SMPX: variants seen among roughly 807,000 people sequenced by gnomAD.
SMPX encodes the protein small muscular protein.
Under a neutral mutation model 6.3 loss-of-function variants are expected in SMPX, and 2 were observed. The ratio of observed to expected loss-of-function variants is 0.32; its 90% CI spans 0.13 to 0.99. The LOEUF is 0.99. Ranked by LOEUF, SMPX falls within the 50% of genes least tolerant of loss-of-function variation. The probability of loss-of-function intolerance (pLI) is 0.49; values close to 1 mark genes in which losing one functional copy is unlikely to be tolerated. For missense variants in SMPX, 60 were observed against 66.8 expected, an observed-to-expected ratio of 0.90 and a Z score of 0.36; for synonymous variants, 32 against 24.7, an observed-to-expected ratio of 1.30 and a Z score of -0.88.
At chrX:21,718,961 A>G (rs1270323417) in intron 4 of SMPX, among the ~76,000 whole-genome samples, 2 of 112,545 alleles carry the variant, frequency 1.8e-5, no homozygotes, top group African/African-American at 3.2e-5. Context: ...GATCCTGAAA[A>G]GGAACTTGAT....
intron 4 of SMPX, among the ~76,000 whole-genome samples, chrX:21,718,889 T>C (rs1406861972): frequency 8.9e-6 from 1 of 112,088 alleles, no homozygotes; most frequent in Non-Finnish European, 1.9e-5. Flanking sequence ...TGAAAAAGGA[T>C]AGCGAATATA....
chrX:21,708,129 C>T (rs1014448472), intron 4 of SMPX, among the ~76,000 whole-genome samples: 2 of 112,408 alleles, frequency 1.8e-5, no homozygotes, highest in African/African-American at 6.5e-5. Context: ...TGAGCTGAAT[C>T]TTTTCTTAAA....
chrX:21,748,820 A>G, intron 2 of SMPX, among the ~76,000 whole-genome samples: 1 of 112,742 alleles, frequency 8.9e-6, no homozygotes, highest in Middle Eastern at 4.6e-3. Flanking sequence ...ATGTTGAAGG[A>G]AGGCATGTGT....
intron 4 of SMPX, among the ~76,000 whole-genome samples, chrX:21,728,177 C>A (rs1467281646): frequency 3.8e-5 from 4 of 104,187 alleles, no homozygotes; most frequent in African/African-American, 1.4e-4. Context: ...TTTCTGTCTC[C>A]TCTCCTCTCC....
In SMPX at chrX:21,736,041, A is replaced by T. The variant is rs1015505290; in HGVS notation, c.*14+1508T>A. On this transcript the variant is annotated intron_variant, in intron 4 of 4. Transcript: ENST00000379494. ...TATGGTCATAGATCCACTCTGTTTT[A>T]CTCTTACTCCTGTGTTCTTTTATGT... is the stretch of plus-strand genomic sequence containing the variant. Among the ~76,000 whole-genome samples, 4 of 111,400 alleles carry T rather than the reference A, an allele frequency of 3.6e-5. No individual in the cohort carries two copies. The East Asian group carries it at 8.5e-4, about 24-fold the overall frequency.
chrX:21,733,847 C>G, intron 4 of SMPX: 2 of 299,464 alleles, frequency 6.7e-6, no homozygotes, highest in South Asian at 6.4e-5. Flanking sequence ...TAGAGGATCT[C>G]TTTGGTCTCA....
At position 21,729,050 on chromosome X, in the gene SMPX, T is replaced by C. The variant is rs186152544; in HGVS notation, c.*14+8499A>G. On this transcript the variant is annotated intron_variant, in intron 4 of 4. Transcript: ENST00000379494. ...AATCTGCTTTCTGATACATTTGAGA[T>C]GAAAAAATAACCTATAAAAATAGTT... Among the ~76,000 whole-genome samples the C allele has an allele frequency of 2.1e-4, 24 of 112,194 alleles. No homozygotes were observed. The East Asian group carries it at 5.6e-3, about 26-fold the overall frequency.
rs953545662 is a variant in SMPX at position 21,758,065 on chromosome X, C to T, written c.-136G>A. On this transcript the variant is annotated 5_prime_UTR_variant, in exon 1 of 5. Transcript: ENST00000379494. Reference sequence around the variant, plus strand: ...CTGAGCTGCGATCTCAATTCCGATGCTTTTCATGTGGCTGAAATAGCTCTG... The same window carrying T: ...CTGAGCTGCGATCTCAATTCCGATGTTTTTCATGTGGCTGAAATAGCTCTG... 9.5e-5 allele frequency: 31 copies of T among 327,915 alleles called. No homozygotes were observed. The highest frequency in any genetic ancestry group is 1.4e-4 in the Non-Finnish European group (23 of 169,824). The allele number at this position is 327,915 out of a possible 1,213,427, so 27.0% of individuals were successfully genotyped here.
chrX:21,722,186 A>G (rs1455425823), intron 4 of SMPX, among the ~76,000 whole-genome samples: 1 of 111,747 alleles, frequency 8.9e-6, no homozygotes, highest in Non-Finnish European at 1.9e-5. Flanking sequence ...AAAGCTGCTT[A>G]TCAGTCTGCC....
At chrX:21,725,158 G>A (rs1274670454) in intron 4 of SMPX, among the ~76,000 whole-genome samples, 2 of 111,471 alleles carry the variant, frequency 1.8e-5, no homozygotes, top group African/African-American at 6.5e-5. Flanking sequence ...GTCAGATAGA[G>A]GGAGAAAACA....
At position 21,720,806 on chromosome X, in the gene SMPX, T is replaced by A. The variant is rs1274892144; in HGVS notation, c.*15-14412A>T. ...ACAGCTGGCTGACCTTGAACCAAAG[T>A]TTACAGTGCAACTGCTCAGCACCCA... On this transcript the variant is annotated intron_variant, in intron 4 of 4. Transcript: ENST00000379494. Among the ~76,000 whole-genome samples, 8 of 112,223 alleles carry A rather than the reference T, an allele frequency of 7.1e-5. No homozygotes were observed. The East Asian group carries it at 2.2e-3, about 31-fold the overall frequency.
intron 4 of SMPX, among the ~76,000 whole-genome samples, chrX:21,733,026 A>G (rs745314977): frequency 8.9e-6 from 1 of 111,873 alleles, no homozygotes; most frequent in African/African-American, 3.2e-5. Context: ...TGAGAAATAA[A>G]TGTCTGCTGT....
chrX:21,709,846 T>C (rs969873133), intron 4 of SMPX, among the ~76,000 whole-genome samples: 4 of 112,116 alleles, frequency 3.6e-5, no homozygotes, highest in African/African-American at 1.3e-4. Flanking sequence ...AGGTATTCCT[T>C]GGGCTTCTCT....
chrX:21,741,005 G>GT (rs1324392653), intron 3 of SMPX, among the ~76,000 whole-genome samples: 1 of 112,470 alleles, frequency 8.9e-6, no homozygotes, highest in African/African-American at 3.2e-5. Context: ...ACATTTGGCT[G>GT]TAAGGCCTCA....
chrX:21,748,621 T>C (rs990146402), intron 2 of SMPX, among the ~76,000 whole-genome samples: 1 of 111,823 alleles, frequency 8.9e-6, no homozygotes, highest in Non-Finnish European at 1.9e-5. Flanking sequence ...CTGAACCCAC[T>C]TGAGAGTAAG....
chrX:21,741,023 G>A (rs2147388895), intron 3 of SMPX, among the ~76,000 whole-genome samples: 1 of 112,284 alleles, frequency 8.9e-6, no homozygotes, highest in South Asian at 3.7e-4. Flanking sequence ...TCAGTGTTGG[G>A]CACATGCCCA....
chrX:21,718,067 G>A (rs2092787255), intron 4 of SMPX, among the ~76,000 whole-genome samples: 1 of 111,924 alleles, frequency 8.9e-6, no homozygotes, highest in Admixed American at 9.4e-5. Context: ...TATGCAGCAG[G>A]GCAGTGACCC....
intron 2 of SMPX, among the ~76,000 whole-genome samples, chrX:21,744,146 C>T (rs943154090): frequency 8.9e-6 from 1 of 111,745 alleles, no homozygotes; most frequent in Non-Finnish European, 1.9e-5. Flanking sequence ...TCCTGAGGTG[C>T]ATATTATTTT....
intron 4 of SMPX, among the ~76,000 whole-genome samples, chrX:21,725,891 G>C (rs995331314): frequency 9.0e-6 from 1 of 111,695 alleles, no homozygotes. Flanking sequence ...TCTTCAGACA[G>C]TATTTCACTT....
Sources: gnomAD v4.1 joint callset for allele counts (sites outside exome capture counted in the v4.1 genomes callset) on GRCh38, gnomAD v4.1.1 for gene constraint, MANE v1.5 for transcripts, NCBI Gene and HGNC (gene_info 2026-07-23, HGNC 2026-07-21) for gene names.